Variants in ABLIM1 observed in about 807,000 individuals in gnomAD.
The protein encoded by ABLIM1 is actin binding LIM protein 1, also known as actin-binding LIM protein 1.
Under a neutral mutation model 107.0 loss-of-function variants are expected in ABLIM1, and 40 were observed. The ratio of observed to expected loss-of-function variants is 0.37; its 90% CI spans 0.29 to 0.49. ABLIM1 has a LOEUF of 0.49. Ranked by LOEUF, ABLIM1 falls within the 20% of genes least tolerant of loss-of-function variation. The pLI, the probability that ABLIM1 is intolerant of heterozygous loss-of-function variation, is 0.97. For missense variants in ABLIM1, 857 were observed against 1,008.5 expected, an observed-to-expected ratio of 0.85 and a Z score of 2.04; for synonymous variants, 357 against 357.3, an observed-to-expected ratio of 1.00 and a Z score of 0.01.
chr10:114,719,612 C>G (rs1176458178), intron 1 of ABLIM1, among the ~76,000 whole-genome samples: 2 of 152,220 alleles, frequency 1.3e-5, no homozygotes, highest in Admixed American at 1.3e-4. Flanking sequence ...GCATCTCTCT[C>G]TGTGCCCAGG....
intron 2 of ABLIM1, among the ~76,000 whole-genome samples, chr10:114,580,201 T>G (rs1714691984): frequency 6.8e-6 from 1 of 146,358 alleles, no homozygotes; most frequent in South Asian, 2.1e-4. Flanking sequence ...TTATATATTA[T>G]ATATTATATA....
At chr10:114,551,586 C>T (rs1021054199) in intron 4 of ABLIM1, among the ~76,000 whole-genome samples, 3 of 152,196 alleles carry the variant, frequency 2.0e-5, no homozygotes, top group Admixed American at 1.3e-4. Context: ...GAAACTTGAC[C>T]TGCAAACAAT....
chr10:114,557,820 A>G (rs948568189), intron 4 of ABLIM1, among the ~76,000 whole-genome samples: 6 of 137,048 alleles, frequency 4.4e-5, no homozygotes, highest in African/African-American at 1.4e-4. Flanking sequence ...TTCTCAGAAA[A>G]GGACCCTTAT....
chr10:114,664,250 T>C (rs1216142538), intron 1 of ABLIM1, among the ~76,000 whole-genome samples: 2 of 152,170 alleles, frequency 1.3e-5, no homozygotes, highest in Non-Finnish European at 1.5e-5. Context: ...TTCTCTACTC[T>C]TTGAGACTGT....
chr10:114,566,801 C>A (rs2070806654), intron 4 of ABLIM1, among the ~76,000 whole-genome samples: 1 of 152,200 alleles, frequency 6.6e-6, no homozygotes, highest in Admixed American at 6.5e-5. Flanking sequence ...GTAATCCCAG[C>A]ACTTTGGGAG....
At chr10:114,733,750 G>A (rs1328646771) in intron 1 of ABLIM1, among the ~76,000 whole-genome samples, 3 of 152,062 alleles carry the variant, frequency 2.0e-5, no homozygotes, top group East Asian at 1.9e-4. Context: ...AGAAACATAC[G>A]CCTCCATTGC....
intron 2 of ABLIM1, among the ~76,000 whole-genome samples, chr10:114,583,452 CACACACACACACACACATATATATAT>C (rs2073751061): frequency 6.3e-4 from 17 of 26,832 alleles, no homozygotes; most frequent in African/African-American, 2.0e-3. Context: ...CACACACACA[CACACACACACACACACATATATATAT>C]ATATATATAT....
At chr10:114,729,088 A>G (rs964448920) in intron 1 of ABLIM1, among the ~76,000 whole-genome samples, 3 of 152,084 alleles carry the variant, frequency 2.0e-5, no homozygotes, top group Admixed American at 6.6e-5. Context: ...TAAGCATCTT[A>G]CATGCTTTAG....
chr10:114,474,863 A>G (rs148892061), intron 8 of ABLIM1, among the ~76,000 whole-genome samples: 1 of 152,170 alleles, frequency 6.6e-6, no homozygotes, highest in Non-Finnish European at 1.5e-5. Flanking sequence ...TATTCTTGTG[A>G]TAGTGAATAA....
At position 114,432,098 on chromosome 10, in the gene ABLIM1, A is replaced by C. The variant is rs930924493; in HGVS notation, c.*4162T>G. ...GTATCACTGCAAATCTCAAGTCCCA[A>C]ATAATCTCTTTTTCTGGATAGAAAG... is the stretch of plus-strand genomic sequence containing the variant. On this transcript the variant is annotated 3_prime_UTR_variant, in exon 23 of 23. Transcript: ENST00000533213. 6.6e-6 allele frequency: 1 copy of C among 152,218 alleles called. No homozygotes were observed. Among genetic ancestry groups the C allele is most frequent in the Non-Finnish European group, 1.5e-5 (1 of 68,032 alleles). The allele number at this position is 152,218 out of a possible 1,614,324, so 9.4% of individuals were successfully genotyped here.
the ABLIM1 span, among the ~76,000 whole-genome samples, chr10:114,798,057 G>T: frequency 1.3e-5 from 2 of 152,176 alleles, no homozygotes; most frequent in Non-Finnish European, 2.9e-5. Context: ...ACTGTATAAT[G>T]ACTATGTTAC....
At chr10:114,594,760 A>G (rs2075252161) in intron 2 of ABLIM1, among the ~76,000 whole-genome samples, 1 of 152,214 alleles carries the variant, frequency 6.6e-6, no homozygotes, top group Non-Finnish European at 1.5e-5. Context: ...AAAACAAAAC[A>G]AAACAAAACA....
intron 8 of ABLIM1, among the ~76,000 whole-genome samples, chr10:114,482,340 T>C (rs1220735965): frequency 2.6e-5 from 4 of 152,202 alleles, no homozygotes; most frequent in African/African-American, 9.6e-5. Context: ...CAAAAATGAC[T>C]TTCCTGCTAT....
chr10:114,456,041 C>T (rs971848500), intron 12 of ABLIM1, among the ~76,000 whole-genome samples: 1 of 151,914 alleles, frequency 6.6e-6, no homozygotes, highest in African/African-American at 2.4e-5. Flanking sequence ...GTCTCAATCT[C>T]CTGACCTCGT....
chr10:114,499,844 C>T (rs544648007), intron 6 of ABLIM1, among the ~76,000 whole-genome samples: 1 of 152,180 alleles, frequency 6.6e-6, no homozygotes, highest in African/African-American at 2.4e-5. Context: ...AGTGCAGAGG[C>T]TGACTCAGCT....
chr10:114,445,067 A>G (rs1220983914), intron 16 of ABLIM1, among the ~76,000 whole-genome samples: 1 of 151,870 alleles, frequency 6.6e-6, no homozygotes, highest in African/African-American at 2.4e-5. Context: ...CAACAACCCA[A>G]ACCTTCCACA....
At chr10:114,568,858 T>A (rs1000359042) in intron 4 of ABLIM1, among the ~76,000 whole-genome samples, 7 of 152,222 alleles carry the variant, frequency 4.6e-5, no homozygotes, top group African/African-American at 1.4e-4. Context: ...TTTATGTTTT[T>A]AATTTTCATT....
chr10:114,523,913 G>C (rs571162998), intron 6 of ABLIM1, among the ~76,000 whole-genome samples: 53 of 152,288 alleles, frequency 3.5e-4, no homozygotes, highest in African/African-American at 1.1e-3. Flanking sequence ...CTACTGAATG[G>C]GGGGAGAGGG....
chr10:114,556,213 T>A (rs1443689045), intron 4 of ABLIM1, among the ~76,000 whole-genome samples: 1 of 152,150 alleles, frequency 6.6e-6, no homozygotes. Flanking sequence ...GGAGGTGGAA[T>A]GTGGGAGAAT....
Sources: allele counts gnomAD v4.1 joint callset (sites outside exome capture counted in the v4.1 genomes callset), GRCh38; gene constraint gnomAD v4.1.1; transcripts MANE v1.5; gene names NCBI Gene and HGNC (gene_info 2026-07-23, HGNC 2026-07-21).